Variants in PRKCA observed in about 807,000 individuals in gnomAD.
The protein encoded by PRKCA is protein kinase C alpha.
In PRKCA, 27 loss-of-function variants were observed where a neutral mutation model predicts 87.0. The ratio of observed to expected loss-of-function variants is 0.31; its 90% CI spans 0.23 to 0.43. The LOEUF is 0.43. Among genes scored for constraint, PRKCA ranks in the 20% least tolerant of loss-of-function variants. PRKCA has a pLI of 1.00. For synonymous variants in PRKCA, 329 were observed against 311.1 expected (o/e 1.06, Z -0.61); for missense variants, 518 against 852.3 (o/e 0.61, Z 4.88).
At chr17:66,394,712 A>G (rs1003376352) in intron 2 of PRKCA, among the ~76,000 whole-genome samples, 21 of 152,122 alleles carry the variant, frequency 1.4e-4, no homozygotes, top group African/African-American at 4.8e-4. Context: ...GACATAGTGG[A>G]GGTAGTTGAA....
intron 3 of PRKCA, among the ~76,000 whole-genome samples, chr17:66,626,471 C>G (rs1475440522): frequency 6.6e-6 from 1 of 151,680 alleles, no homozygotes; most frequent in Non-Finnish European, 1.5e-5. Context: ...ATGCCATTCT[C>G]CTGCCTCAGC....
chr17:66,502,740 C>T (rs535428391), intron 3 of PRKCA, among the ~76,000 whole-genome samples: 21 of 152,148 alleles, frequency 1.4e-4, no homozygotes, highest in African/African-American at 4.6e-4. Context: ...CTGCAAGCTC[C>T]GCCTCCTGGG....
intron 13 of PRKCA, among the ~76,000 whole-genome samples, chr17:66,772,442 G>A (rs1034011089): frequency 6.6e-6 from 1 of 152,046 alleles, no homozygotes; most frequent in Non-Finnish European, 1.5e-5. Flanking sequence ...ATGAAAGTGG[G>A]CAGACATGCA....
chr17:66,671,017 C>T (rs1173180519), intron 5 of PRKCA, among the ~76,000 whole-genome samples: 1 of 151,600 alleles, frequency 6.6e-6, no homozygotes, highest in Non-Finnish European at 1.5e-5. Flanking sequence ...CGAGACCAGT[C>T]TGGCCAACCT....
At chr17:66,481,576 C>T (rs969072951) in intron 2 of PRKCA, among the ~76,000 whole-genome samples, 1 of 152,146 alleles carries the variant, frequency 6.6e-6, no homozygotes, top group African/African-American at 2.4e-5. Context: ...TGAGGTTTGG[C>T]CAACTCCTCT....
Position 66,310,859 on chromosome 17 carries a change from C to A in PRKCA, c.205+4732C>A, listed in dbSNP as rs139221488. The stretch of plus-strand genomic sequence containing the variant: ...TCTGAGAGCTGAGTTGTATGGACAC[C>A]AAGTACCAGGAGATAGGAGACTGAG... On this transcript the variant is annotated intron_variant, in intron 2 of 16. Transcript: ENST00000413366. 5.6e-4 allele frequency among the ~76,000 whole-genome samples: 85 copies of A among 152,226 alleles called. 1 individual carries two copies. The East Asian group carries it at 7.3e-3, about 13-fold the overall frequency.
rs187063880 is a variant in PRKCA, at chr17:66,612,854, A to G, written c.289-28501A>G. Among the ~76,000 whole-genome samples, 155 of 152,200 alleles carry G rather than the reference A, an allele frequency of 1.0e-3. 1 individual carries two copies. Among genetic ancestry groups the G allele is most frequent in the Middle Eastern group, 6.8e-3 (2 of 294 alleles). On this transcript the variant is annotated intron_variant, in intron 3 of 16. Transcript: ENST00000413366. ...CTCTTACAAACAGTTGAAGAAAATT[A>G]TCTTTTCTGTTTTTAAATTATCATA...
chr17:66,737,717 C>A (rs1010345495), intron 10 of PRKCA, among the ~76,000 whole-genome samples: 2 of 152,218 alleles, frequency 1.3e-5, no homozygotes, highest in East Asian at 3.9e-4. Context: ...CTGCTCCCAG[C>A]CGTTCCCACT....
At chr17:66,365,140 T>A (rs937700084) in intron 2 of PRKCA, among the ~76,000 whole-genome samples, 3 of 152,258 alleles carry the variant, frequency 2.0e-5, no homozygotes, top group Non-Finnish European at 2.9e-5. Context: ...GAATAGGCTC[T>A]CGCCTTTATA....
Position 66,792,608 on chromosome 17 carries a change from G to A in PRKCA, c.1854+3629G>A, listed in dbSNP as rs1242082294. On this transcript the variant is annotated intron_variant, in intron 16 of 16. Coordinates refer to ENST00000413366, the MANE Select transcript of PRKCA (RefSeq NM_002737.3). The surrounding 1 kb of genome is among the most constrained non-coding windows in gnomAD (Gnocchi z 4.5). ...AGCGCAAAAAGCATCTCACAATGCC[G>A]TGATCCATCAGGAGGTTAGCACGGG... Among the ~76,000 whole-genome samples, 4 of 152,244 alleles carry A rather than the reference G, an allele frequency of 2.6e-5. No individual in the cohort carries two copies. Among genetic ancestry groups the A allele is most frequent in the South Asian group, 2.1e-4 (1 of 4,826 alleles).
intron 2 of PRKCA, among the ~76,000 whole-genome samples, chr17:66,315,731 C>A (rs942175484): frequency 6.6e-6 from 1 of 152,102 alleles, no homozygotes; most frequent in Non-Finnish European, 1.5e-5. Context: ...CCGCCTGCCT[C>A]GGCCTCCCAA....
intron 2 of PRKCA, chr17:66,340,046 A>G (rs1355317181): frequency 6.6e-6 from 1 of 152,238 alleles, no homozygotes; most frequent in Non-Finnish European, 1.5e-5. Flanking sequence ...GTGCTCTTCT[A>G]GGCTTAACAG....
intron 3 of PRKCA, among the ~76,000 whole-genome samples, chr17:66,532,746 A>C (rs940290230): frequency 1.3e-5 from 2 of 152,052 alleles, no homozygotes; most frequent in Non-Finnish European, 2.9e-5. Flanking sequence ...AATTCCTTCC[A>C]CTCACATCCC....
At chr17:66,568,332 A>G (rs906859042) in intron 3 of PRKCA, among the ~76,000 whole-genome samples, 23 of 152,170 alleles carry the variant, frequency 1.5e-4, no homozygotes, top group African/African-American at 5.3e-4. Context: ...CCCAAAAAAT[A>G]GATGTGCAGA....
At chr17:66,630,388 G>A (rs1018012371) in intron 3 of PRKCA, among the ~76,000 whole-genome samples, 18 of 152,194 alleles carry the variant, frequency 1.2e-4, no homozygotes, top group African/African-American at 4.3e-4. Context: ...TTACCTCTCT[G>A]ATGATCATAG....
chr17:66,627,712 C>T (rs552883156), intron 3 of PRKCA, among the ~76,000 whole-genome samples: 11 of 152,300 alleles, frequency 7.2e-5, no homozygotes, highest in African/African-American at 2.4e-4. Context: ...TCTAGAACTA[C>T]GTGTGAGTGT....
intron 2 of PRKCA, among the ~76,000 whole-genome samples, chr17:66,476,468 A>G (rs2085232069): frequency 6.6e-6 from 1 of 152,178 alleles, no homozygotes; most frequent in African/African-American, 2.4e-5. Flanking sequence ...AATGCCAGCC[A>G]AGGCCCTGTC....
chr17:66,461,614 G>A (rs899511924), intron 2 of PRKCA, among the ~76,000 whole-genome samples: 1 of 152,194 alleles, frequency 6.6e-6, no homozygotes, highest in African/African-American at 2.4e-5. Context: ...CGCGTGCTAG[G>A]TAGGCACTAA....
intron 3 of PRKCA, among the ~76,000 whole-genome samples, chr17:66,619,683 T>C (rs1970618888): frequency 6.6e-6 from 1 of 152,144 alleles, no homozygotes; most frequent in African/African-American, 2.4e-5. Context: ...AGCTCAACTA[T>C]GTGGAAACCG....
Sources: allele counts gnomAD v4.1 joint callset (sites outside exome capture counted in the v4.1 genomes callset), GRCh38; gene constraint gnomAD v4.1.1; non-coding constraint Gnocchi (gnomAD v3.1); transcripts MANE v1.5; gene names NCBI Gene and HGNC (gene_info 2026-07-23, HGNC 2026-07-21).